Variants in TLK1 observed in about 807,000 individuals in gnomAD.
TLK1 encodes the protein serine/threonine-protein kinase tousled-like 1.
TLK1 carries 24 observed loss-of-function variants against 105.3 expected under a neutral mutation model. That is an observed-to-expected ratio of 0.23 (90% CI 0.17 to 0.32). The LOEUF (loss-of-function observed/expected upper bound fraction) is 0.32, where lower values mean the gene tolerates loss of function less well. Among genes scored for constraint, TLK1 ranks in the 10% least tolerant of loss-of-function variants. The pLI is 1.00. For synonymous variants in TLK1, 321 were observed against 310.4 expected, an observed-to-expected ratio of 1.03 and a Z score of -0.36; for missense variants, 558 against 910.5, an observed-to-expected ratio of 0.61 and a Z score of 4.98.
intron 1 of TLK1, among the ~76,000 whole-genome samples, chr2:171,132,990 A>C (rs1049109218): frequency 1.3e-5 from 2 of 152,196 alleles, no homozygotes; most frequent in African/African-American, 4.8e-5. Context: ...TTAACACAAC[A>C]CTAAATATGG....
chr2:171,107,880 G>T (rs113948863), intron 2 of TLK1, among the ~76,000 whole-genome samples: 4 of 152,064 alleles, frequency 2.6e-5, no homozygotes, highest in African/African-American at 9.6e-5. Flanking sequence ...GCAACATGGT[G>T]AGACTCATCT....
At chr2:171,091,703 CG>C in intron 2 of TLK1, 1 of 147,254 alleles carries the variant, frequency 6.8e-6, no homozygotes, top group Non-Finnish European at 1.5e-5. Context: ...CATGGGATGG[CG>C]GGGGGGTGTC....
intron 1 of TLK1, among the ~76,000 whole-genome samples, chr2:171,222,370 T>C (rs1693824062): frequency 6.6e-6 from 1 of 152,242 alleles, no homozygotes; most frequent in African/African-American, 2.4e-5. Context: ...GGTCTTGCTC[T>C]GTTGCCGAGG....
At chr2:171,096,393 T>C (rs751613401) in intron 2 of TLK1, among the ~76,000 whole-genome samples, 1 of 152,148 alleles carries the variant, frequency 6.6e-6, no homozygotes, top group African/African-American at 2.4e-5. Context: ...TGCATTTCTA[T>C]ATACTAATGA....
intron 11 of TLK1, among the ~76,000 whole-genome samples, chr2:171,031,088 G>A (rs921568985): frequency 6.6e-6 from 1 of 151,480 alleles, no homozygotes; most frequent in Non-Finnish European, 1.5e-5. Flanking sequence ...TATAATTTTG[G>A]GATTCACAAA....
chr2:171,164,049 G>C (rs1428134743), upstream of TLK1, among the ~76,000 whole-genome samples: 1 of 152,116 alleles, frequency 6.6e-6, no homozygotes, highest in Admixed American at 6.6e-5. Flanking sequence ...ATTTAATGCA[G>C]ATTGGCTATG....
At chr2:171,148,052 G>A (rs562933148) in intron 1 of TLK1, among the ~76,000 whole-genome samples, 14 of 152,066 alleles carry the variant, frequency 9.2e-5, no homozygotes, top group South Asian at 6.2e-4. Context: ...CACCACGCCC[G>A]GCTAATTTTT....
intron 2 of TLK1, among the ~76,000 whole-genome samples, chr2:171,100,908 G>A (rs1689662106): frequency 6.6e-6 from 1 of 151,988 alleles, no homozygotes; most frequent in South Asian, 2.1e-4. Flanking sequence ...TCAAAAAACG[G>A]AAACAACCAC....
chr2:171,128,943 AAAG>A (rs1690981310), intron 1 of TLK1, among the ~76,000 whole-genome samples: 1 of 151,462 alleles, frequency 6.6e-6, no homozygotes, highest in South Asian at 2.1e-4. Context: ...CTCTGTCCCA[AAAG>A]AAGGGTCCAG....
chr2:171,186,292 C>T (rs1693023507), intron 1 of TLK1, among the ~76,000 whole-genome samples: 1 of 152,212 alleles, frequency 6.6e-6, no homozygotes, highest in South Asian at 2.1e-4. Context: ...TGAACACAAA[C>T]ATCTAGCCTC....
intron 2 of TLK1, among the ~76,000 whole-genome samples, chr2:171,107,465 T>G (rs13009496): frequency 6.6e-6 from 1 of 152,174 alleles, no homozygotes; most frequent in Non-Finnish European, 1.5e-5. Context: ...TGGTGAGTGT[T>G]CTGATTCTAC....
At chr2:171,184,236 T>C (rs977207230) in intron 1 of TLK1, among the ~76,000 whole-genome samples, 1 of 152,200 alleles carries the variant, frequency 6.6e-6, no homozygotes. Context: ...CAGAAAGCCC[T>C]GCTGACACCT....
At chr2:171,001,156 T>C (rs968817067) in intron 18 of TLK1, among the ~76,000 whole-genome samples, 1 of 152,232 alleles carries the variant, frequency 6.6e-6, no homozygotes, top group African/African-American at 2.4e-5. Flanking sequence ...TCATGGCTTT[T>C]TCTAAAACAA....
intron 1 of TLK1, among the ~76,000 whole-genome samples, chr2:171,198,814 G>A (rs1463232562): frequency 6.6e-6 from 1 of 152,180 alleles, no homozygotes; most frequent in East Asian, 1.9e-4. Context: ...GTTCTTTACT[G>A]ATGATTATTT....
chr2:171,179,937 TA>T (rs542705459), intron 1 of TLK1, among the ~76,000 whole-genome samples: 1 of 151,336 alleles, frequency 6.6e-6, no homozygotes, highest in African/African-American at 2.4e-5. Flanking sequence ...CTACTAAAAA[TA>T]AAAAAAACTA....
In TLK1 at chr2:171,001,055, A is replaced by C. The variant is rs185395972; in HGVS notation, c.1905-3232T>G. ...CACAGTCTCTTTCATGATTTCCTTG[A>C]CTGCCTCTGTCATAAATCCTGCAAA... is the stretch of plus-strand genomic sequence containing the variant. On this transcript the variant is annotated intron_variant, in intron 18 of 20. Coordinates refer to ENST00000431350, the MANE Select transcript of TLK1 (RefSeq NM_012290.5). Among the ~76,000 whole-genome samples, 25 of 152,274 alleles carry C rather than the reference A, an allele frequency of 1.6e-4. No individual in the cohort carries two copies. The East Asian group carries it at 4.6e-3, about 28-fold the overall frequency.
intron 2 of TLK1, among the ~76,000 whole-genome samples, chr2:171,117,236 G>A (rs1258597164): frequency 6.6e-6 from 1 of 152,170 alleles, no homozygotes; most frequent in Non-Finnish European, 1.5e-5. Context: ...TCACAATAGA[G>A]TTCATGCTCC....
intron 2 of TLK1, among the ~76,000 whole-genome samples, chr2:171,095,667 A>G (rs1352158529): frequency 6.6e-6 from 1 of 152,192 alleles, no homozygotes; most frequent in East Asian, 1.9e-4. Context: ...CTGAAATGCA[A>G]GGGTGGTTCA....
chr2:171,072,523 C>T (rs1223448481), intron 3 of TLK1, among the ~76,000 whole-genome samples: 1 of 151,718 alleles, frequency 6.6e-6, no homozygotes, highest in African/African-American at 2.4e-5. Flanking sequence ...TTTGGGAGGC[C>T]AAGGTTGGTG....
Sources: gnomAD v4.1 joint callset for allele counts (sites outside exome capture counted in the v4.1 genomes callset) on GRCh38, gnomAD v4.1.1 for gene constraint, MANE v1.5 for transcripts, NCBI Gene and HGNC (gene_info 2026-07-23, HGNC 2026-07-21) for gene names.